PRELID2: variants seen among roughly 807,000 people sequenced by gnomAD.
The protein encoded by PRELID2 is PRELI domain containing 2.
Under a neutral mutation model 28.4 loss-of-function variants are expected in PRELID2, and 25 were observed. That is an observed-to-expected ratio of 0.88 (90% CI 0.64 to 1.23). PRELID2 has a LOEUF of 1.23. Among genes scored for constraint, PRELID2 ranks in the 50% most tolerant of loss-of-function variants. The pLI is 0.00. For synonymous variants in PRELID2, 76 were observed against 71.6 expected (o/e 1.06, Z -0.31); for missense variants, 201 against 214.4 (o/e 0.94, Z 0.39).
chr5:145,773,295 A>G (rs1223646555), intron 5 of PRELID2, among the ~76,000 whole-genome samples: 1 of 152,252 alleles, frequency 6.6e-6, no homozygotes, highest in East Asian at 1.9e-4. Context: ...TTAATAAATC[A>G]TGTTGCTGAT....
intron 1 of PRELID2, among the ~76,000 whole-genome samples, chr5:145,670,641 C>T (rs1754687600): frequency 6.6e-6 from 1 of 152,112 alleles, no homozygotes; most frequent in African/African-American, 2.4e-5. Context: ...TACTGTAATT[C>T]ATCTCCATTC....
intron 1 of PRELID2, among the ~76,000 whole-genome samples, chr5:145,555,018 C>T (rs1249232164): frequency 6.6e-6 from 1 of 152,106 alleles, no homozygotes; most frequent in African/African-American, 2.4e-5. Flanking sequence ...CCAAAGTTAC[C>T]TTGTTAACCT....
intron 1 of PRELID2, among the ~76,000 whole-genome samples, chr5:145,478,389 T>A (rs1315725075): frequency 6.6e-6 from 1 of 151,716 alleles, no homozygotes; most frequent in Admixed American, 6.6e-5. Flanking sequence ...CTACTAAAAG[T>A]ACAAAAGATT....
the PRELID2 span, among the ~76,000 whole-genome samples, chr5:145,441,886 T>C: frequency 6.6e-6 from 1 of 152,126 alleles, no homozygotes; most frequent in African/African-American, 2.4e-5. Context: ...GAAGTCTGCA[T>C]GGTTGGTTCT....
chr5:145,731,198 A>G (rs993142792), intron 1 of PRELID2, among the ~76,000 whole-genome samples: 1 of 152,250 alleles, frequency 6.6e-6, no homozygotes, highest in African/African-American at 2.4e-5. Context: ...AGGGGAAATT[A>G]TCTGCTGGGA....
chr5:145,286,928 T>C, the PRELID2 span, among the ~76,000 whole-genome samples: 1 of 152,122 alleles, frequency 6.6e-6, no homozygotes, highest in Non-Finnish European at 1.5e-5. Context: ...CAGGCTGGTC[T>C]TGAACTCCTG....
At chr5:145,669,242 G>A (rs1754656550) in intron 1 of PRELID2, among the ~76,000 whole-genome samples, 2 of 152,010 alleles carry the variant, frequency 1.3e-5, no homozygotes, top group Non-Finnish European at 2.9e-5. Context: ...ATAGCAGATC[G>A]GCTCTTTGTT....
chr5:145,529,971 G>A (rs1299952284), intron 1 of PRELID2, among the ~76,000 whole-genome samples: 2 of 152,082 alleles, frequency 1.3e-5, no homozygotes, highest in African/African-American at 4.8e-5. Context: ...CAGAGCAAGT[G>A]CTTTATACAA....
the PRELID2 span, among the ~76,000 whole-genome samples, chr5:145,359,784 C>A: frequency 2.0e-5 from 3 of 152,148 alleles, no homozygotes; most frequent in Admixed American, 6.6e-5. Flanking sequence ...GCAATGAGAT[C>A]CCAGCTGGCT....
chr5:145,439,711 A>G, the PRELID2 span, among the ~76,000 whole-genome samples: 2 of 151,498 alleles, frequency 1.3e-5, no homozygotes, highest in Admixed American at 6.6e-5. Flanking sequence ...ACTCCAACAC[A>G]TTTTCAAACT....
chr5:145,652,221 CA>C (rs1172887442), intron 1 of PRELID2, among the ~76,000 whole-genome samples: 1 of 152,068 alleles, frequency 6.6e-6, no homozygotes, highest in Non-Finnish European at 1.5e-5. Context: ...TAAAAAGAAA[CA>C]AACAAAGCCT....
the PRELID2 span, among the ~76,000 whole-genome samples, chr5:145,386,045 C>T: frequency 6.6e-6 from 1 of 151,898 alleles, no homozygotes; most frequent in Non-Finnish European, 1.5e-5. Flanking sequence ...AAGACATACC[C>T]AAGACTAGGT....
chr5:145,790,934 A>G (rs1279592702), intron 5 of PRELID2, among the ~76,000 whole-genome samples: 1 of 150,108 alleles, frequency 6.7e-6, no homozygotes, highest in African/African-American at 2.4e-5. Flanking sequence ...GGAAGCAGGG[A>G]CTCAAACAGA....
chr5:145,675,981 G>A (rs986565820), intron 1 of PRELID2, among the ~76,000 whole-genome samples: 26 of 152,232 alleles, frequency 1.7e-4, no homozygotes, highest in Non-Finnish European at 5.9e-5. Context: ...AGCACTTTGG[G>A]AGGCCAAGGC....
intron 1 of PRELID2, among the ~76,000 whole-genome samples, chr5:145,561,092 G>T (rs2126692809): frequency 6.6e-6 from 1 of 151,744 alleles, no homozygotes; most frequent in South Asian, 2.1e-4. Flanking sequence ...ATGCCACAAA[G>T]ATTTGTTAGG....
intron 1 of PRELID2, among the ~76,000 whole-genome samples, chr5:145,575,639 C>G (rs1753054292): frequency 6.6e-6 from 1 of 152,148 alleles, no homozygotes; most frequent in Non-Finnish European, 1.5e-5. Flanking sequence ...TCACATCTTG[C>G]CCATGTTCTC....
chr5:145,375,076 T>A, the PRELID2 span, among the ~76,000 whole-genome samples: 1 of 152,138 alleles, frequency 6.6e-6, no homozygotes, highest in Non-Finnish European at 1.5e-5. Flanking sequence ...CCTTTCGGGT[T>A]TTCAGCATAT....
At chr5:145,351,676 A>ACCATTAG in the PRELID2 span, among the ~76,000 whole-genome samples, 1 of 152,018 alleles carries the variant, frequency 6.6e-6, no homozygotes, top group South Asian at 2.1e-4. Context: ...AGCTCATTCT[A>ACCATTAG]CCATTAGCCC....
intron 1 of PRELID2, among the ~76,000 whole-genome samples, chr5:145,694,667 T>C (rs530360796): frequency 7.9e-5 from 12 of 152,336 alleles, no homozygotes; most frequent in South Asian, 4.1e-4. Flanking sequence ...TCAACTTTCC[T>C]ATATGACATT....
Sources: allele counts gnomAD v4.1 joint callset (sites outside exome capture counted in the v4.1 genomes callset), GRCh38; gene constraint gnomAD v4.1.1; transcripts MANE v1.5; gene names NCBI Gene and HGNC (gene_info 2026-07-23, HGNC 2026-07-21).